PRDM2: variants seen among roughly 807,000 people sequenced by gnomAD.
PRDM2 encodes the protein PR domain zinc finger protein 2.
PRDM2 carries 30 observed loss-of-function variants against 130.0 expected under a neutral mutation model. That is an observed-to-expected ratio of 0.23 (90% CI 0.17 to 0.31). The LOEUF is 0.31. Among genes scored for constraint, PRDM2 ranks in the 10% least tolerant of loss-of-function variants. PRDM2 has a pLI of 1.00. For synonymous variants in PRDM2, 871 were observed against 782.4 expected (o/e 1.11, Z -1.89); for missense variants, 2,011 against 2,108.4 (o/e 0.95, Z 0.90).
At chr1:13,722,518 T>A (rs1642763108) in intron 2 of PRDM2, among the ~76,000 whole-genome samples, 1 of 152,050 alleles carries the variant, frequency 6.6e-6, no homozygotes, top group Admixed American at 6.6e-5. Context: ...TTTTTTTTTT[T>A]AAATCCATGG....
intron 8 of PRDM2, among the ~76,000 whole-genome samples, chr1:13,809,432 C>T (rs184849086): frequency 1.3e-5 from 2 of 152,106 alleles, no homozygotes; most frequent in African/African-American, 2.4e-5. Flanking sequence ...GAGAGAGTGA[C>T]GGAGGGACCG....
Position 13,749,454 on chromosome 1 carries a change from C to G in PRDM2, c.478C>G (p.Arg160Gly), listed in dbSNP as rs776077953. 15 of 1,499,494 alleles carry G rather than the reference C, an allele frequency of 1.0e-5. No individual in the cohort carries two copies. The highest frequency in any genetic ancestry group is 3.6e-6 in the Non-Finnish European group (4 of 1,111,514). The allele number at this position is 1,499,494 out of a possible 1,614,324, so 92.9% of individuals were successfully genotyped here. Residue 160 changes from arginine to glycine, a missense_variant, in exon 6 of 10, where the codon CGG becomes GGG. This residue lies in a region of PRDM2 where 1,288 missense variants were observed against 1,237.7 expected (regional missense o/e 1.04). Coordinates refer to ENST00000311066, the MANE Select transcript of PRDM2 (RefSeq NM_001393986.1). ...GATTGAGGAAGAGCGAGCCAGCGCC[C>G]GGAGCAAGCGGAGCTCCCCCAAGAG... ...AAIEEERASA[R>G]SKRSSPKSRK... is the part of the protein sequence containing the mutation.
rs76852764 is a variant in PRDM2, at chr1:13,719,459, G to A, written c.9+3845G>A. ...GGGCTACGGGACAGTGACACAAGCT[G>A]ATTTTCATTTTTAGGATGTCCTCCC... On this transcript the variant is annotated intron_variant, in intron 2 of 9. Coordinates refer to ENST00000311066, the MANE Select transcript of PRDM2 (RefSeq NM_001393986.1). Among the ~76,000 whole-genome samples, 171 of 152,256 alleles carry A rather than the reference G, an allele frequency of 1.1e-3. 6 individuals are homozygous for A. The East Asian group carries it at 0.028, about 25-fold the overall frequency.
intron 8 of PRDM2, among the ~76,000 whole-genome samples, chr1:13,784,839 G>T (rs1356126519): frequency 6.6e-6 from 1 of 152,206 alleles, no homozygotes; most frequent in African/African-American, 2.4e-5. Flanking sequence ...CTCTGTGTGA[G>T]GTGCTGGAAC....
At chr1:13,790,810 A>G (rs763151764) in intron 8 of PRDM2, among the ~76,000 whole-genome samples, 1 of 152,084 alleles carries the variant, frequency 6.6e-6, no homozygotes, top group Non-Finnish European at 1.5e-5. Flanking sequence ...CCACCTACAC[A>G]GGGTCATGTC....
intron 1 of PRDM2, among the ~76,000 whole-genome samples, chr1:13,704,253 A>G (rs973265980): frequency 5.3e-5 from 8 of 152,192 alleles, no homozygotes; most frequent in African/African-American, 1.9e-4. Context: ...ATTCTTTCTT[A>G]AAGAGAATGC....
Position 13,711,243 on chromosome 1 carries a change from T to C in PRDM2, c.-65-4298T>C, listed in dbSNP as rs544530702. The stretch of plus-strand genomic sequence containing the variant: ...ATACCATGTATTAGTTAAATGGGTG[T>C]GTAAAGACAGGACTGTTGAAGTCAA... On this transcript the variant is annotated intron_variant, in intron 1 of 9. Transcript: ENST00000311066. Among the ~76,000 whole-genome samples, 97 of 152,314 alleles carry C rather than the reference T, an allele frequency of 6.4e-4. 5 individuals carry two copies. In the South Asian group the frequency reaches 0.019, roughly 31 times the overall value.
chr1:13,721,080 A>G (rs1289700802), intron 2 of PRDM2, among the ~76,000 whole-genome samples: 2 of 152,034 alleles, frequency 1.3e-5, no homozygotes, highest in Non-Finnish European at 2.9e-5. Context: ...GGTTTTTCCT[A>G]TTCTGGGGTT....
intron 6 of PRDM2, among the ~76,000 whole-genome samples, chr1:13,769,836 T>C (rs1228791515): frequency 1.3e-5 from 2 of 152,206 alleles, no homozygotes; most frequent in African/African-American, 4.8e-5. Flanking sequence ...GATCCAGAAA[T>C]GCATTGATCT....
At chr1:13,710,442 TTAA>T (rs1642334266) in intron 1 of PRDM2, among the ~76,000 whole-genome samples, 1 of 152,262 alleles carries the variant, frequency 6.6e-6, no homozygotes, top group African/African-American at 2.4e-5. Flanking sequence ...CTTTATGCTA[TTAA>T]TAAATGTTTC....
chr1:13,765,497 G>A (rs1387925560), intron 6 of PRDM2, among the ~76,000 whole-genome samples: 6 of 151,198 alleles, frequency 4.0e-5, no homozygotes, highest in African/African-American at 1.2e-4. Context: ...ATGGAGTCTC[G>A]CTCTGTCACC....
chr1:13,754,996 C>G (rs146508435), intron 6 of PRDM2, among the ~76,000 whole-genome samples: 118 of 152,174 alleles, frequency 7.8e-4, no homozygotes, highest in African/African-American at 2.8e-3. Flanking sequence ...CTTTGCTGAG[C>G]ATTGAATGTC....
At position 13,782,664 on chromosome 1, in the gene PRDM2, A is replaced by G. The variant is rs1421007124; in HGVS notation, c.4869A>G (p.Gln1623=). The part of the protein sequence containing the change: ...VRVQKSKAVL[Q]SKSTLASKKR... ...TACAGAAAAGCAAAGCTGTTTTACA[A>G]AGCAAATCCACCTTGGCGAGTAAGA... Residue 1623 remains glutamine, a synonymous_variant, in exon 8 of 10, where the codon CAA becomes CAG. Transcript: ENST00000311066. The G allele has an allele frequency of 2.5e-6, 4 of 1,614,074 alleles. No homozygotes were observed. Among genetic ancestry groups the G allele is most frequent in the Non-Finnish European group, 3.4e-6 (4 of 1,180,048 alleles).
chr1:13,824,690 G>A lies in PRDM2; in HGVS notation c.*1555G>A, dbSNP rs1645405201. 10 of 152,192 alleles carry A rather than the reference G, an allele frequency of 6.6e-5. No individual in the cohort carries two copies. Among genetic ancestry groups the A allele is most frequent in the Admixed American group, 4.6e-4 (7 of 15,278 alleles). The allele number at this position is 152,192 out of a possible 1,614,324, so 9.4% of individuals were successfully genotyped here. A position where few individuals can be genotyped will look rare whatever the true frequency, so the allele number is the denominator to read the frequency against. On this transcript the variant is annotated 3_prime_UTR_variant, in exon 10 of 10. Coordinates refer to ENST00000311066, the MANE Select transcript of PRDM2 (RefSeq NM_001393986.1). ...AACCCTCACAAGCATGAAGTGCTGT[G>A]GCTGTTCCTTATCCTAATGATGCGC...
chr1:13,816,785 C>T (rs547425915), intron 9 of PRDM2, among the ~76,000 whole-genome samples: 9 of 152,332 alleles, frequency 5.9e-5, no homozygotes, highest in East Asian at 5.8e-4. Flanking sequence ...TTGCTGGCTA[C>T]GAACTTCAAG....
chr1:13,813,311 C>G (rs146301340), intron 8 of PRDM2, among the ~76,000 whole-genome samples: 100 of 152,260 alleles, frequency 6.6e-4, no homozygotes, highest in Middle Eastern at 6.8e-3. Flanking sequence ...GGAGAAGCAC[C>G]CAATTCCGGA....
rs1287637576 is a variant in PRDM2 at position 13,803,939 on chromosome 1, T to C, written c.5037-12488T>C. ...GGAGGCCACATTGGGGGCTCAGCAG[T>C]GGGCCCATGGCCTCCCTCAGGGCTG... is the stretch of plus-strand genomic sequence containing the variant. On this transcript the variant is annotated intron_variant, in intron 8 of 9. Transcript: ENST00000311066. This position sits in a 1 kb window ranked among gnomAD's most constrained non-coding sequence, Gnocchi z 6.2. Among the ~76,000 whole-genome samples the C allele has an allele frequency of 2.0e-5, 3 of 152,162 alleles. No individual in the cohort carries two copies. Among genetic ancestry groups the C allele is most frequent in the Non-Finnish European group, 2.9e-5 (2 of 68,024 alleles).
chr1:13,781,683 A>G lies in PRDM2; in HGVS notation c.3888A>G (p.Pro1296=). ...DVRLGLNQHY[P]SFKPPPFQYH... ...GATTGGGCCTCAATCAGCATTACCC[A>G]AGCTTTAAACCACCTCCATTTCAGT... Residue 1296 remains proline (P), a synonymous_variant, in exon 8 of 10, where the codon CCA becomes CCG. Transcript: ENST00000311066. This position sits in a 1 kb window ranked among gnomAD's most constrained non-coding sequence, Gnocchi z 6.1. 6.2e-7 allele frequency: 1 copy of G among 1,614,128 alleles called. No homozygotes were observed. The highest frequency in any genetic ancestry group is 8.5e-7 in the Non-Finnish European group (1 of 1,180,032).
In PRDM2 at chr1:13,792,189, A is replaced by G. The variant is rs550382474; in HGVS notation, c.5036+9358A>G. Among the ~76,000 whole-genome samples, 21 of 152,364 alleles carry G rather than the reference A, an allele frequency of 1.4e-4. No individual in the cohort carries two copies. In the South Asian group the frequency reaches 1.9e-3, roughly 14 times the overall value. ...CTTATTCATGTTTAAACAGGAGCCT[A>G]TGATACAATCTGGAATCCTACATCT... On this transcript the variant is annotated intron_variant, in intron 8 of 9. Transcript: ENST00000311066.
Sources: allele counts gnomAD v4.1 joint callset (sites outside exome capture counted in the v4.1 genomes callset), GRCh38; gene constraint gnomAD v4.1.1; regional missense constraint gnomAD v4.1.1; non-coding constraint Gnocchi (gnomAD v3.1); transcripts MANE v1.5; gene names NCBI Gene and HGNC (gene_info 2026-07-23, HGNC 2026-07-21).